The following ACAP2 variants were observed in gnomAD, a reference collection of about 807,000 sequenced individuals.
The protein encoded by ACAP2 is ArfGAP with coiled-coil, ankyrin repeat and PH domains 2.
Under a neutral mutation model 115.8 loss-of-function variants are expected in ACAP2, and 39 were observed. The observed-to-expected ratio is 0.34, with a 90% CI of 0.26 to 0.44. The LOEUF (loss-of-function observed/expected upper bound fraction) is 0.44, where lower values mean the gene tolerates loss of function less well. ACAP2 is among the 20% of genes least tolerant of loss of function. The probability of loss-of-function intolerance (pLI) is 1.00; values close to 1 mark genes in which losing one functional copy is unlikely to be tolerated. For synonymous variants in ACAP2, 289 were observed against 315.8 expected (o/e 0.92, Z 0.90); for missense variants, 662 against 927.6 (o/e 0.71, Z 3.72).
At chr3:195,306,748 G>A in intron 12 of ACAP2, 132 bp from the exon 13 acceptor site, 1 of 622,216 alleles carries the variant, frequency 1.6e-6, no homozygotes, top group Non-Finnish European at 2.6e-6. Context: ...GTTGAAAGAA[G>A]GTTTTATTTC....
At chr3:195,281,362 G>A (rs142130700) in intron 22 of ACAP2, among the ~76,000 whole-genome samples, 27 of 151,920 alleles carry the variant, frequency 1.8e-4, no homozygotes, top group African/African-American at 4.6e-4. Context: ...CCAAGATCGC[G>A]CCACTGCACT....
chr3:195,331,950 C>T (rs1199810604), intron 8 of ACAP2, among the ~76,000 whole-genome samples: 1 of 151,586 alleles, frequency 6.6e-6, no homozygotes. Flanking sequence ...CTGGCTAACA[C>T]GGTGAAACCC....
At chr3:195,330,024 G>A (rs1262532978) in intron 8 of ACAP2, among the ~76,000 whole-genome samples, 1 of 151,808 alleles carries the variant, frequency 6.6e-6, no homozygotes, top group Non-Finnish European at 1.5e-5. Flanking sequence ...ATAGCTCTAT[G>A]ATTCAGAGAT....
rs1034079317 is a variant in ACAP2 at position 195,275,662 on chromosome 3, C to T, written c.*3666G>A. 1 of 152,166 alleles carries T rather than the reference C, an allele frequency of 6.6e-6. No individual in the cohort carries two copies. The highest frequency in any genetic ancestry group is 2.4e-5 in the African/African-American group (1 of 41,444). 9.4% of individuals were successfully genotyped at this position (152,166 alleles called of 1,614,324 possible). A position where few individuals can be genotyped will look rare whatever the true frequency, so the allele number is the denominator to read the frequency against. ...CTGGGTAATGGTGCCAATTCTGCCA[C>T]CAGCTAGCAAATCAAGTGACCCTGC... On this transcript the variant is annotated 3_prime_UTR_variant, in exon 23 of 23. Transcript: ENST00000326793.
chr3:195,363,123 A>G (rs1275018381), intron 4 of ACAP2, among the ~76,000 whole-genome samples: 1 of 152,258 alleles, frequency 6.6e-6, no homozygotes. Context: ...ATCAACACAC[A>G]AAAATCAGTA....
chr3:195,323,803 T>C (rs1409500605), intron 9 of ACAP2, among the ~76,000 whole-genome samples: 1 of 140,910 alleles, frequency 7.1e-6, no homozygotes, highest in African/African-American at 2.5e-5. Context: ...GGATGGTTAA[T>C]GGATACAAAA....
chr3:195,421,615 A>G (rs2108834631), intron 1 of ACAP2, among the ~76,000 whole-genome samples: 1 of 152,356 alleles, frequency 6.6e-6, no homozygotes, highest in South Asian at 2.1e-4. Flanking sequence ...CTGCTTACAC[A>G]ATAGCTGATT....
chr3:195,295,853 C>T lies in ACAP2; in HGVS notation c.1527G>A (p.Glu509=). ...TAGAATATTTATCCACAAATTTCCT[C>T]TCCACATATTTTGCTCTGATATATG... is the stretch of plus-strand genomic sequence containing the variant. The part of the protein sequence containing the change: ...KEAYIRAKYV[E]RKFVDKYSIS... Residue 509 remains glutamate (E), a synonymous_variant, in exon 17 of 23, where the codon GAG becomes GAA. Coordinates refer to ENST00000326793, the MANE Select transcript of ACAP2 (RefSeq NM_012287.6). 1 of 1,613,678 alleles carries T rather than the reference C, an allele frequency of 6.2e-7. No individual in the cohort carries two copies.
intron 1 of ACAP2, among the ~76,000 whole-genome samples, chr3:195,429,175 G>A (rs1714916149): frequency 6.6e-6 from 1 of 152,002 alleles, no homozygotes; most frequent in Non-Finnish European, 1.5e-5. Flanking sequence ...ATCACTTGAG[G>A]TCAGGAGTTC....
In ACAP2 at chr3:195,370,457, C is replaced by G. The variant is rs533670161; in HGVS notation, c.285+10552G>C. Among the ~76,000 whole-genome samples the G allele has an allele frequency of 3.3e-3, 497 of 152,226 alleles. 2 individuals carry two copies. Among genetic ancestry groups the G allele is most frequent in the Middle Eastern group, 0.014 (4 of 294 alleles). The stretch of plus-strand genomic sequence containing the variant: ...AGGGGTCCAGTTTCAATCTTCTGCA[C>G]ACGGCTAGCCAGTTATCTCAGCACC... On this transcript the variant is annotated intron_variant, in intron 4 of 22. Transcript: ENST00000326793.
At chr3:195,324,527 A>G (rs1302708869) in intron 9 of ACAP2, among the ~76,000 whole-genome samples, 14 of 152,058 alleles carry the variant, frequency 9.2e-5, no homozygotes, top group Admixed American at 9.2e-4. Flanking sequence ...GCCGAGGTGG[A>G]TGGATCACCT....
intron 1 of ACAP2, among the ~76,000 whole-genome samples, chr3:195,417,886 T>A (rs1025471621): frequency 6.6e-6 from 1 of 151,828 alleles, no homozygotes; most frequent in East Asian, 1.9e-4. Context: ...GAGTTCAAGG[T>A]TGCAGTGAGC....
chr3:195,409,346 T>A (rs967577290), intron 1 of ACAP2, among the ~76,000 whole-genome samples: 1 of 151,488 alleles, frequency 6.6e-6, no homozygotes, highest in East Asian at 1.9e-4. Flanking sequence ...TATAATAGCA[T>A]CAAAATAGTC....
intron 13 of ACAP2, among the ~76,000 whole-genome samples, chr3:195,303,267 G>A (rs112067202): frequency 5.9e-4 from 89 of 151,992 alleles, no homozygotes; most frequent in Non-Finnish European, 1.1e-3. Flanking sequence ...AAATTAGCTA[G>A]GCATGGTGAT....
intron 21 of ACAP2, among the ~76,000 whole-genome samples, chr3:195,288,500 A>G (rs908166320): frequency 1.3e-4 from 20 of 152,182 alleles, no homozygotes; most frequent in African/African-American, 4.8e-4. Context: ...GGTTCAACCA[A>G]TCACCAGTGG....
intron 1 of ACAP2, among the ~76,000 whole-genome samples, chr3:195,395,493 T>A (rs1326280415): frequency 6.6e-6 from 1 of 152,236 alleles, no homozygotes; most frequent in Non-Finnish European, 1.5e-5. Context: ...TTTAAGTGGC[T>A]GAAAAATATT....
intron 4 of ACAP2, among the ~76,000 whole-genome samples, chr3:195,370,629 G>C (rs146504074): frequency 6.6e-6 from 1 of 152,256 alleles, no homozygotes; most frequent in Non-Finnish European, 1.5e-5. Flanking sequence ...GTACTATGCT[G>C]TTTTGGTTAC....
intron 6 of ACAP2, among the ~76,000 whole-genome samples, chr3:195,340,938 CTTAAAG>C (rs546516253): frequency 2.8e-3 from 423 of 152,192 alleles, no homozygotes; most frequent in African/African-American, 9.6e-3. Flanking sequence ...AGAAAAAAAA[CTTAAAG>C]TTAATTTTCT....
At chr3:195,282,009 T>G (rs950456451) in intron 22 of ACAP2, 1 of 152,178 alleles carries the variant, frequency 6.6e-6, no homozygotes. Flanking sequence ...AGGCACACAT[T>G]ATACATTCAA....
Sources: allele counts gnomAD v4.1 joint callset (sites outside exome capture counted in the v4.1 genomes callset), GRCh38; gene constraint gnomAD v4.1.1; transcripts MANE v1.5; gene names NCBI Gene and HGNC (gene_info 2026-07-23, HGNC 2026-07-21).